CDH15: variants seen among roughly 807,000 people sequenced by gnomAD.
The protein encoded by CDH15 is cadherin 15.
CDH15 carries 73 observed loss-of-function variants against 69.4 expected under a neutral mutation model. That is an observed-to-expected ratio of 1.05 (90% CI 0.87 to 1.28). The LOEUF is 1.28. CDH15 is among the 50% of genes most tolerant of loss of function. The pLI is 0.00. For synonymous variants in CDH15, 624 were observed against 507.7 expected (o/e 1.23, Z -3.08); for missense variants, 1,343 against 1,133.6 (o/e 1.18, Z -2.65).
chr16:89,194,127 C>T (rs1239524242), intron 13 of CDH15, among the ~76,000 whole-genome samples: 2 of 152,248 alleles, frequency 1.3e-5, no homozygotes, highest in Non-Finnish European at 2.9e-5. Flanking sequence ...ACCCGCGACG[C>T]GGGTCTTTGC....
intron 13 of CDH15, among the ~76,000 whole-genome samples, chr16:89,194,635 C>T (rs1305861389): frequency 6.6e-6 from 1 of 152,170 alleles, no homozygotes; most frequent in African/African-American, 2.4e-5. Flanking sequence ...GACGGGCTGG[C>T]CGCTGGCCTA....
chr16:89,186,976 G>A (rs1915505062), intron 5 of CDH15, among the ~76,000 whole-genome samples: 1 of 150,588 alleles, frequency 6.6e-6, no homozygotes, highest in African/African-American at 2.4e-5. Context: ...CACACAGTAG[G>A]TGCTCTGTAA....
intron 8 of CDH15, 41 bp downstream of exon 8, chr16:89,190,537 C>G (rs749529187): frequency 2.4e-5 from 37 of 1,562,218 alleles, no homozygotes; most frequent in Non-Finnish European, 3.2e-5. Flanking sequence ...AGGAGGCTAA[C>G]GGCCCCATTC....
At chr16:89,172,400 A>G (rs534061565) in intron 1 of CDH15, among the ~76,000 whole-genome samples, 3 of 151,954 alleles carry the variant, frequency 2.0e-5, no homozygotes, top group Non-Finnish European at 2.9e-5. Flanking sequence ...CCTCACGGCT[A>G]CTTCTCGATT....
At position 89,188,291 on chromosome 16, in the gene CDH15, C is replaced by A. The variant is rs372170884; in HGVS notation, c.978+6C>A. 4.3e-6 allele frequency: 7 copies of A among 1,611,774 alleles called. No homozygotes were observed. In the East Asian group the frequency reaches 1.1e-4, roughly 26 times the overall value. On this transcript the variant is annotated splice_donor_region_variant and intron_variant, in intron 7 of 13. Transcript: ENST00000289746. ...GTGTTCTGTCCATTGTGAAGGTGAG[C>A]GGCCCCCGGCTGGCACACAGATGCC...
At chr16:89,187,665 T>C (rs1915520623) in intron 6 of CDH15, 108 bp downstream of exon 6, 2 of 1,495,030 alleles carry the variant, frequency 1.3e-6, no homozygotes. Flanking sequence ...GAGGATGGTG[T>C]GCTTTGGAGA....
chr16:89,194,514 CCAGGAGGCTCGGGTT>C (rs1915748206), intron 13 of CDH15, among the ~76,000 whole-genome samples: 2 of 152,174 alleles, frequency 1.3e-5, no homozygotes, highest in South Asian at 4.1e-4. Context: ...ATGGGGGTGT[CCAGGAGGCTCGGGTT>C]CTGCCTTGAG....
chr16:89,176,577 T>C (rs1469931193), intron 1 of CDH15, among the ~76,000 whole-genome samples: 1 of 152,098 alleles, frequency 6.6e-6, no homozygotes, highest in African/African-American at 2.4e-5. Flanking sequence ...TTCTAGGTGT[T>C]GGTGTGGCGT....
chr16:89,190,212 G>A (rs1915604637), intron 7 of CDH15, 31 bp from the exon 8 acceptor site: 2 of 1,606,984 alleles, frequency 1.2e-6, no homozygotes, highest in African/African-American at 1.3e-5. Context: ...CTTGCGTTGG[G>A]CGGATGACGG....
Position 89,188,146 on chromosome 16 carries a change from G to T in CDH15, c.839G>T (p.Arg280Leu). ...GCCGTCAGCGGAGTGGATGTGGGACGCCTGGAAGTGGAGGACAGGGACCTG... is the reference window on the plus strand; with the variant it reads ...GCCGTCAGCGGAGTGGATGTGGGACTCCTGGAAGTGGAGGACAGGGACCTG... ...IEAVSGVDVG[R>L]LEVEDRDLPG... The change falls in exon 7 of 14, where the codon CGC becomes CTC. Residue 280 changes from arginine to leucine, a missense_variant. Transcript: ENST00000289746. 1.9e-6 allele frequency: 3 copies of T among 1,613,308 alleles called. No homozygotes were observed. The highest frequency in any genetic ancestry group is 2.2e-5 in the South Asian group (2 of 90,956).
rs753492833 is a variant in CDH15 at position 89,191,902 on chromosome 16, C to T, written c.1615+8C>T. 17 of 1,544,196 alleles carry T rather than the reference C, an allele frequency of 1.1e-5. No homozygotes were observed. Among genetic ancestry groups the T allele is most frequent in the Non-Finnish European group, 1.5e-5 (17 of 1,150,810 alleles). On this transcript the variant is annotated splice_region_variant and intron_variant, in intron 10 of 13. Transcript: ENST00000289746. Reference sequence around the variant, plus strand: ...GCCTCAGCCAGGTCAACGGTGCGCTCCCCTCACCGCCGCGCTCCCCCCATC... The same window carrying T: ...GCCTCAGCCAGGTCAACGGTGCGCTTCCCTCACCGCCGCGCTCCCCCCATC...
chr16:89,187,551 G>C lies in CDH15; in HGVS notation c.786G>C (p.Arg262Ser), dbSNP rs1915517984. Residue 262 changes from arginine (R) to serine (S), a missense_variant, in exon 6 of 14, where the codon AGG (arginine) becomes AGC (serine). By Grantham distance (110) the Arg-to-Ser change is moderately radical. Coordinates refer to ENST00000289746, the MANE Select transcript of CDH15 (RefSeq NM_004933.3). ...DINDNAPEFTRDEFFMEAIEA... is the reference protein window; with the variant it reads ...DINDNAPEFTSDEFFMEAIEA... ...ATGACAATGCCCCCGAGTTCACCAG[G>C]GATGAGGTGCTGCTGCTGTCCCTCC... 1.2e-6 allele frequency: 2 copies of C among 1,613,546 alleles called. No homozygotes were observed. The highest frequency in any genetic ancestry group is 4.5e-5 in the East Asian group (2 of 44,892).
At position 89,191,333 on chromosome 16, in the gene CDH15, C is replaced by T. The variant is rs188795327; in HGVS notation, c.1236C>T (p.Tyr412=). 115 of 1,612,822 alleles carry T rather than the reference C, an allele frequency of 7.1e-5. No individual in the cohort carries two copies. The East Asian group carries it at 2.5e-3, about 34-fold the overall frequency. ...PDTEQLQRLS[Y]SKDYDPEDWL... ...CTCTTCCCCTCCCCTGCATCAGCTA[C>T]TCCAAGGACTACGACCCGGAAGACT... Residue 412 remains tyrosine, a synonymous_variant, in exon 9 of 14, where the codon TAC becomes TAT. Coordinates refer to ENST00000289746, the MANE Select transcript of CDH15 (RefSeq NM_004933.3).
In CDH15 at chr16:89,183,554, G is replaced by C; in HGVS notation, c.364G>C (p.Ala122Pro). 3 of 1,614,152 alleles carry C rather than the reference G, an allele frequency of 1.9e-6. No individual in the cohort carries two copies. The highest frequency in any genetic ancestry group is 2.5e-6 in the Non-Finnish European group (3 of 1,180,052). Residue 122 changes from alanine (A) to proline (P), a missense_variant, in exon 4 of 14, where the codon GCG (alanine) becomes CCG (proline). By Grantham distance (27) the Ala-to-Pro change is conservative (BLOSUM62 -1). Transcript: ENST00000289746. ...REKTDRFRLR[A>P]FALDLGGSTL... is the part of the protein sequence containing the mutation. The stretch of plus-strand genomic sequence containing the variant: ...TTGCTCTATGTTTGAACAGCTAAGA[G>C]CGTTTGCCCTGGACCTGGGAGGATC...
chr16:89,192,501 G>A (rs1915674836), intron 11 of CDH15, 57 bp downstream of exon 11: 1 of 1,543,456 alleles, frequency 6.5e-7, no homozygotes, highest in Non-Finnish European at 8.7e-7. Flanking sequence ...CTCCTCCCCA[G>A]GCCGTCCCCT....
intron 8 of CDH15, among the ~76,000 whole-genome samples, chr16:89,191,111 T>C (rs950744610): frequency 6.6e-5 from 10 of 151,428 alleles, no homozygotes; most frequent in Admixed American, 5.3e-4. Flanking sequence ...TGTGCATGTG[T>C]GTGTGCTGTG....
intron 3 of CDH15, among the ~76,000 whole-genome samples, chr16:89,180,716 T>C (rs1057396207): frequency 6.6e-6 from 1 of 152,134 alleles, no homozygotes; most frequent in Non-Finnish European, 1.5e-5. Flanking sequence ...AATCTCTAAA[T>C]AGTGTTGTTT....
chr16:89,187,316 T>G (rs1323456106), intron 5 of CDH15, 113 bp from the exon 6 acceptor site: 1 of 1,300,570 alleles, frequency 7.7e-7, no homozygotes, highest in Non-Finnish European at 1.1e-6. Context: ...CAACACCCAC[T>G]GGGTGCTCCC....
chr16:89,189,447 G>A (rs1413905459), intron 7 of CDH15, among the ~76,000 whole-genome samples: 6 of 152,274 alleles, frequency 3.9e-5, no homozygotes, highest in Non-Finnish European at 8.8e-5. Flanking sequence ...CTTCCTGGCA[G>A]GTTCACATCC....
Sources: gnomAD v4.1 joint callset for allele counts (sites outside exome capture counted in the v4.1 genomes callset) on GRCh38, gnomAD v4.1.1 for gene constraint, MANE v1.5 for transcripts, NCBI Gene and HGNC (gene_info 2026-07-23, HGNC 2026-07-21) for gene names.